NKTR: variants seen among roughly 807,000 people sequenced by gnomAD.
NKTR encodes natural killer cell triggering receptor, also known as NK-tumor recognition protein.
Under a neutral mutation model 156.3 loss-of-function variants are expected in NKTR, and 67 were observed. The observed-to-expected ratio is 0.43, with a 90% CI of 0.35 to 0.53. The LOEUF (loss-of-function observed/expected upper bound fraction) is 0.53. Ranked by LOEUF, NKTR falls within the 20% of genes least tolerant of loss-of-function variation. The pLI is 0.01. For synonymous variants in NKTR, 640 were observed against 596.6 expected, an observed-to-expected ratio of 1.07 and a Z score of -1.06; for missense variants, 1,604 against 1,730.9, an observed-to-expected ratio of 0.93 and a Z score of 1.30.
Position 42,636,868 on chromosome 3 carries a change from G to T in NKTR, c.1164G>T (p.Lys388Asn), listed in dbSNP as rs554307651. 3 of 1,556,520 alleles carry T rather than the reference G, an allele frequency of 1.9e-6. No homozygotes were observed. The change falls in exon 13 of 17, where the codon AAG becomes AAT. Residue 388 changes from lysine (K) to asparagine (N), a missense_variant and splice_region_variant. Physicochemically the swap from Lys to Asn is moderately conservative, Grantham distance 94 (BLOSUM62 0). Around this residue, in one of 6 missense-constraint regions of NKTR, gnomAD observed 1,255 missense variants for 1,243.7 expected, o/e 1.01. Transcript: ENST00000232978. ...PSGEKWSKGD[K>N]LSDPCSSRWD... ...CATGAATATTATGTCCTTTCTATAG[G>T]TTAAGTGACCCCTGTTCAAGCCGAT...
chr3:42,625,935 A>G (rs1386939591), intron 6 of NKTR, among the ~76,000 whole-genome samples: 1 of 152,168 alleles, frequency 6.6e-6, no homozygotes, highest in Non-Finnish European at 1.5e-5. Flanking sequence ...AATTTTAGAA[A>G]GCACTTCTAT....
chr3:42,619,494 T>G, intron 4 of NKTR, 170 bp from the exon 5 acceptor site: 2 of 1,440,976 alleles, frequency 1.4e-6, no homozygotes, highest in South Asian at 1.5e-5. Context: ...GTAATGGGAC[T>G]TGACATATAT....
At position 42,638,370 on chromosome 3, in the gene NKTR, C is replaced by G; in HGVS notation, c.2666C>G (p.Ser889Ter). ...NYAGSKWDSESNSERDVTKNS... is the reference protein window; with the variant it reads ...NYAGSKWDSE ...GCTGGTAGTAAATGGGACTCTGAGT[C>G]AAATTCAGAACGAGATGTCACTAAA... is the stretch of plus-strand genomic sequence containing the variant. Residue 889 changes from serine to a stop codon, truncating the protein, a stop_gained, in exon 13 of 17, where the codon TCA becomes TGA. Transcript: ENST00000232978. LOFTEE classifies it high-confidence loss of function. 6.2e-7 allele frequency: 1 copy of G among 1,613,866 alleles called. No homozygotes were observed. The highest frequency in any genetic ancestry group is 2.2e-5 in the East Asian group (1 of 44,884).
rs562313721 is a variant in NKTR at position 42,636,922 on chromosome 3, C to T, written c.1218C>T (p.Ser406=). 1 of 1,586,510 alleles carries T rather than the reference C, an allele frequency of 6.3e-7. No homozygotes were observed. Among genetic ancestry groups the T allele is most frequent in the South Asian group, 1.2e-5 (1 of 85,076 alleles). The change falls in exon 13 of 17, where the codon TCC becomes TCT. Residue 406 remains serine (S), a synonymous_variant. Transcript: ENST00000232978. ...RWDERSLSQR[S]RSWSYNGYYS... Reference sequence around the variant, plus strand: ...ATGAAAGAAGCTTGTCTCAGAGATCCAGATCATGGTCCTATAATGGATATT... The same window carrying T: ...ATGAAAGAAGCTTGTCTCAGAGATCTAGATCATGGTCCTATAATGGATATT...
At chr3:42,635,714 T>C (rs1577556579) in intron 12 of NKTR, among the ~76,000 whole-genome samples, 1 of 151,604 alleles carries the variant, frequency 6.6e-6, no homozygotes, top group African/African-American at 2.4e-5. Flanking sequence ...GGTCAGGAGA[T>C]TGGGACCACA....
chr3:42,619,821 A>G (rs2125783562), intron 5 of NKTR, 113 bp downstream of exon 5: 1 of 1,518,646 alleles, frequency 6.6e-7, no homozygotes, highest in Middle Eastern at 2.0e-4. Context: ...GCATGAAACT[A>G]ATGCTGCATG....
Position 42,638,060 on chromosome 3 carries a change from G to T in NKTR, c.2356G>T (p.Val786Phe). ...TGAAAAGACACTTCACAGTAAATATGTCAAAGGTAGAGACAGGTCTTCATG... is the reference window on the plus strand; with the variant it reads ...TGAAAAGACACTTCACAGTAAATATTTCAAAGGTAGAGACAGGTCTTCATG... ...SSEKTLHSKY[V>F]KGRDRSSCVR... The change falls in exon 13 of 17, where the codon GTC becomes TTC. Residue 786 changes from valine (V) to phenylalanine (F), a missense_variant. Val to Phe is a conservative substitution (Grantham distance 50). This residue lies in a region of NKTR where 1,255 missense variants were observed against 1,243.7 expected (regional missense o/e 1.01). Coordinates refer to ENST00000232978, the MANE Select transcript of NKTR (RefSeq NM_005385.4). The T allele has an allele frequency of 6.2e-7, 1 of 1,614,172 alleles. No individual in the cohort carries two copies. The highest frequency in any genetic ancestry group is 8.5e-7 in the Non-Finnish European group (1 of 1,180,022).
intron 6 of NKTR, among the ~76,000 whole-genome samples, chr3:42,626,848 A>G (rs1213495779): frequency 6.6e-6 from 1 of 152,172 alleles, no homozygotes; most frequent in African/African-American, 2.4e-5. Context: ...TTATGTATGT[A>G]TGCAAGATAC....
At chr3:42,634,564 C>G (rs531292439) in intron 10 of NKTR, 49 bp from the exon 11 acceptor site, 3 of 1,067,248 alleles carry the variant, frequency 2.8e-6, no homozygotes, top group Non-Finnish European at 4.1e-6. Context: ...ATTAAAAATT[C>G]TAGCTTCTTT....
Position 42,638,923 on chromosome 3 carries a change from G to T in NKTR, c.3219G>T (p.Val1073=). ...EEDLSGKHDT[V]TVSSDLDQFT... ...ACCTTTCAGGTAAACATGATACAGT[G>T]ACTGTTTCATCAGATCTTGATCAGT... The change falls in exon 13 of 17, where the codon GTG becomes GTT. Residue 1073 remains valine (V), a synonymous_variant. Coordinates refer to ENST00000232978, the MANE Select transcript of NKTR (RefSeq NM_005385.4). The T allele has an allele frequency of 6.2e-7, 1 of 1,607,316 alleles. No individual in the cohort carries two copies. The highest frequency in any genetic ancestry group is 1.1e-5 in the South Asian group (1 of 90,866).
At position 42,636,877 on chromosome 3, in the gene NKTR, C is replaced by T; in HGVS notation, c.1173C>T (p.Asp391=). Residue 391 remains aspartate, a synonymous_variant, in exon 13 of 17, where the codon GAC becomes GAT. Coordinates refer to ENST00000232978, the MANE Select transcript of NKTR (RefSeq NM_005385.4). ...EKWSKGDKLS[D]PCSSRWDERS... is the part of the protein sequence containing the mutation. ...TATGTCCTTTCTATAGGTTAAGTGA[C>T]CCCTGTTCAAGCCGATGGGATGAAA... 6.4e-7 allele frequency: 1 copy of T among 1,564,464 alleles called. No individual in the cohort carries two copies. Among genetic ancestry groups the T allele is most frequent in the Non-Finnish European group, 8.6e-7 (1 of 1,162,968 alleles).
In NKTR at chr3:42,638,719, T is replaced by G. The variant is rs377251294; in HGVS notation, c.3015T>G (p.His1005Gln). ...TGAAAGGGAAAAAAGACAAAAAGCA[T>G]AAGGCTCCAAAACGAAAGCAAGCAT... ...EKLKGKKDKK[H>Q]KAPKRKQAFH... Residue 1005 changes from histidine (H) to glutamine (Q), a missense_variant, in exon 13 of 17, where the codon CAT becomes CAG. By Grantham distance (24) the His-to-Gln change is conservative. Coordinates refer to ENST00000232978, the MANE Select transcript of NKTR (RefSeq NM_005385.4). 1.0e-4 allele frequency: 167 copies of G among 1,613,634 alleles called. No individual in the cohort carries two copies. Among genetic ancestry groups the G allele is most frequent in the Non-Finnish European group, 1.3e-4 (154 of 1,179,976 alleles).
chr3:42,623,986 A>T (rs1416172929), intron 6 of NKTR, among the ~76,000 whole-genome samples: 1 of 152,118 alleles, frequency 6.6e-6, no homozygotes, highest in Non-Finnish European at 1.5e-5. Context: ...TGGTGCTGTT[A>T]GTATGGGTAT....
intron 1 of NKTR, 84 bp from the exon 2 acceptor site, chr3:42,600,900 A>G: frequency 1.2e-6 from 1 of 803,160 alleles, no homozygotes; most frequent in South Asian, 2.5e-5. Flanking sequence ...CGTGGCGCGG[A>G]CTTCGTCTCA....
chr3:42,630,249 G>T, intron 6 of NKTR: 2 of 1,134,072 alleles, frequency 1.8e-6, no homozygotes, highest in Non-Finnish European at 2.2e-6. Context: ...TAATTTTTAT[G>T]TGTATTCATG....
chr3:42,620,518 C>T (rs904075596), intron 5 of NKTR: 20 of 983,968 alleles, frequency 2.0e-5, no homozygotes, highest in Non-Finnish European at 2.4e-5. Flanking sequence ...TTTATATTTC[C>T]TTTGGGGGAA....
rs748541121 is a variant in NKTR, at chr3:42,638,609, A to G, written c.2905A>G (p.Asn969Asp). 2.4e-5 allele frequency: 38 copies of G among 1,613,838 alleles called. 1 individual carries two copies. Among genetic ancestry groups the G allele is most frequent in the African/African-American group, 5.3e-5 (4 of 74,904 alleles). The change falls in exon 13 of 17, where the codon AAC (asparagine) becomes GAC (aspartate). Residue 969 changes from asparagine to aspartate, a missense_variant. Asn to Asp is a conservative substitution (Grantham distance 23). Coordinates refer to ENST00000232978, the MANE Select transcript of NKTR (RefSeq NM_005385.4). Reference sequence around the variant, plus strand: ...TGAGGGGTCCTGTTCCAATTCGGAAAACAATAGGGGAAAGCCACAAAAGCA... The same window carrying G: ...TGAGGGGTCCTGTTCCAATTCGGAAGACAATAGGGGAAAGCCACAAAAGCA... ...DSEGSCSNSE[N>D]NRGKPQKHKH...
At chr3:42,629,316 A>G (rs1708686733) in intron 6 of NKTR, 1 of 961,028 alleles carries the variant, frequency 1.0e-6, no homozygotes, top group South Asian at 4.8e-5. Flanking sequence ...TTTTGCTTTT[A>G]AAACTTAATA....
intron 10 of NKTR, 132 bp downstream of exon 10, chr3:42,633,867 A>C (rs1055971878): frequency 1.1e-6 from 1 of 939,758 alleles, no homozygotes; most frequent in East Asian, 2.4e-5. Context: ...TGGGAGTATT[A>C]GATTAATGAA....
Sources: allele counts gnomAD v4.1 joint callset (sites outside exome capture counted in the v4.1 genomes callset), GRCh38; gene constraint gnomAD v4.1.1; regional missense constraint gnomAD v4.1.1; transcripts MANE v1.5; gene names NCBI Gene and HGNC (gene_info 2026-07-23, HGNC 2026-07-21).